TECRL: variants seen among roughly 807,000 people sequenced by gnomAD.
TECRL encodes the protein trans-2,3-enoyl-CoA reductase-like.
A neutral mutation model predicts 52.8 loss-of-function variants in TECRL; 63 were observed. That is an observed-to-expected ratio of 1.19 (90% confidence interval 0.97 to 1.47). TECRL has a LOEUF of 1.47. Ranked by LOEUF, TECRL falls within the 40% of genes most tolerant of loss-of-function variation. TECRL has a pLI of 0.00. For synonymous variants in TECRL, 164 were observed against 141.9 expected, an observed-to-expected ratio of 1.16 and a Z score of -1.10; for missense variants, 482 against 429.6, an observed-to-expected ratio of 1.12 and a Z score of -1.08.
chr4:64,376,603 A>C (rs570674838), intron 1 of TECRL, among the ~76,000 whole-genome samples: 1 of 152,006 alleles, frequency 6.6e-6, no homozygotes, highest in Non-Finnish European at 1.5e-5. Flanking sequence ...GCACCTTTAT[A>C]TGTTGCTTTC....
chr4:64,385,505 C>T (rs1041135935), intron 1 of TECRL, among the ~76,000 whole-genome samples: 2 of 152,092 alleles, frequency 1.3e-5, no homozygotes, highest in Non-Finnish European at 2.9e-5. Context: ...TCCTGGGACA[C>T]AGGATACTGC....
chr4:64,322,910 T>G, intron 3 of TECRL, 118 bp from the exon 4 acceptor site: 1 of 734,954 alleles, frequency 1.4e-6, no homozygotes. Context: ...GAAATTACAA[T>G]GTACAAGAAA....
intron 4 of TECRL, among the ~76,000 whole-genome samples, chr4:64,317,314 G>A (rs909826862): frequency 2.0e-5 from 3 of 151,770 alleles, no homozygotes; most frequent in African/African-American, 7.3e-5. Flanking sequence ...GTAATAATCT[G>A]CTTAAAAAAT....
chr4:64,407,061 C>T (rs1437693680), intron 1 of TECRL, among the ~76,000 whole-genome samples: 1 of 151,784 alleles, frequency 6.6e-6, no homozygotes. Context: ...AAGTGTCTCA[C>T]CACTATTATG....
chr4:64,403,475 G>GCGCGCACA (rs59253067), intron 1 of TECRL, among the ~76,000 whole-genome samples: 1,637 of 148,332 alleles, frequency 0.011, 12 homozygotes, highest in South Asian at 0.019. Flanking sequence ...CTCCCTGAGC[G>GCGCGCACA]CACACACACA....
chr4:64,375,198 T>C lies in TECRL; in HGVS notation c.260A>G (p.Asp87Gly). 1 of 1,403,236 alleles carries C rather than the reference T, an allele frequency of 7.1e-7. No homozygotes were observed. The highest frequency in any genetic ancestry group is 9.4e-7 in the Non-Finnish European group (1 of 1,058,836). 86.9% of individuals were successfully genotyped at this position (1,403,236 alleles called of 1,614,324 possible). ...TGCTTTGTGAAACTTTTGCTTAACA[T>C]CATGAATAGTAGATGATTGTGTCAC... ...DKVTQSSTIH[D>G]VKQKFHKACP... The change falls in exon 2 of 12, where the codon GAT becomes GGT. Residue 87 changes from aspartate (D) to glycine (G), a missense_variant. Transcript: ENST00000381210.
chr4:64,289,812 AT>A lies in TECRL; in HGVS notation c.775-46del, dbSNP rs754658916. 836 of 1,290,214 alleles carry A rather than the reference AT, an allele frequency of 6.5e-4. 2 individuals carry two copies. The highest frequency in any genetic ancestry group is 1.2e-3 in the South Asian group (71 of 60,824). 79.9% of individuals were successfully genotyped at this position (1,290,214 alleles called of 1,614,324 possible). A position where few individuals can be genotyped will look rare whatever the true frequency, so the allele number is the denominator to read the frequency against. ...CTTTCAGTGTGATACACCTCTGCCTATTTTTTAAAAAAACATATTCTAGAGT... is the reference window on the plus strand; with the variant it reads ...CTTTCAGTGTGATACACCTCTGCCTATTTTTAAAAAAACATATTCTAGAGT... On this transcript the variant is annotated intron_variant, in intron 8 of 11. Transcript: ENST00000381210.
intron 1 of TECRL, among the ~76,000 whole-genome samples, chr4:64,400,436 C>G (rs1467604712): frequency 6.6e-6 from 1 of 152,026 alleles, no homozygotes; most frequent in Non-Finnish European, 1.5e-5. Flanking sequence ...TGAGTTAAGA[C>G]TTTGGGGGAT....
chr4:64,348,260 G>A (rs1230268030), intron 2 of TECRL, among the ~76,000 whole-genome samples: 1 of 152,176 alleles, frequency 6.6e-6, no homozygotes, highest in Admixed American at 6.5e-5. Flanking sequence ...TGACAGAAGA[G>A]AGAGAAAAAT....
intron 9 of TECRL, among the ~76,000 whole-genome samples, chr4:64,285,829 A>T (rs1489873525): frequency 6.6e-6 from 1 of 152,114 alleles, no homozygotes; most frequent in Non-Finnish European, 1.5e-5. Flanking sequence ...GTTTGCTCAG[A>T]GAGGGAAGGC....
At chr4:64,403,602 C>A (rs767061890) in intron 1 of TECRL, among the ~76,000 whole-genome samples, 1 of 151,796 alleles carries the variant, frequency 6.6e-6, no homozygotes, top group African/African-American at 2.4e-5. Flanking sequence ...TCCAGGAAAG[C>A]CTTCCTGTTC....
chr4:64,399,212 C>T (rs1038693552), intron 1 of TECRL, among the ~76,000 whole-genome samples: 1 of 152,216 alleles, frequency 6.6e-6, no homozygotes, highest in Non-Finnish European at 1.5e-5. Context: ...TGGGACACCT[C>T]TGGTTGTGGA....
intron 7 of TECRL, among the ~76,000 whole-genome samples, chr4:64,300,307 G>T (rs1319859794): frequency 6.7e-6 from 1 of 150,360 alleles, no homozygotes; most frequent in South Asian, 2.1e-4. Context: ...CATTTTAAAA[G>T]CACACTTAAG....
intron 9 of TECRL, 110 bp from the exon 10 acceptor site, chr4:64,281,669 T>C (rs1722836675): frequency 1.7e-6 from 1 of 588,322 alleles, no homozygotes; most frequent in Non-Finnish European, 2.9e-6. Flanking sequence ...ACATGAAATG[T>C]CATCACGTAT....
chr4:64,378,265 T>G (rs554396477), intron 1 of TECRL, among the ~76,000 whole-genome samples: 2 of 152,134 alleles, frequency 1.3e-5, no homozygotes, highest in Admixed American at 1.3e-4. Context: ...GGTCTGAGAA[T>G]TTCCATTAGA....
intron 1 of TECRL, among the ~76,000 whole-genome samples, chr4:64,404,599 A>G (rs1309879073): frequency 6.6e-6 from 1 of 152,026 alleles, no homozygotes; most frequent in South Asian, 2.1e-4. Flanking sequence ...GGAACTAGCT[A>G]AATGAGCTAA....
chr4:64,359,514 T>C (rs949711214), intron 2 of TECRL, among the ~76,000 whole-genome samples: 2 of 27,664 alleles, frequency 7.2e-5, no homozygotes, highest in Non-Finnish European at 3.0e-4. Context: ...TTGATGATTA[T>C]TAAAAAAAAA....
intron 2 of TECRL, among the ~76,000 whole-genome samples, chr4:64,360,817 T>G (rs1328558061): frequency 6.6e-6 from 1 of 152,050 alleles, no homozygotes; most frequent in African/African-American, 2.4e-5. Context: ...ATCCCAGCGG[T>G]GAGAGACTGT....
At chr4:64,358,102 C>T (rs917900731) in intron 2 of TECRL, among the ~76,000 whole-genome samples, 4 of 27,866 alleles carry the variant, frequency 1.4e-4, no homozygotes, top group Non-Finnish European at 4.2e-4. Flanking sequence ...ATTGAAAAAA[C>T]GAAAAAAAAA....
Sources: gnomAD v4.1 joint callset for allele counts (sites outside exome capture counted in the v4.1 genomes callset) on GRCh38, gnomAD v4.1.1 for gene constraint, MANE v1.5 for transcripts, NCBI Gene and HGNC (gene_info 2026-07-23, HGNC 2026-07-21) for gene names.